The following CACNA2D3 variants were observed in gnomAD, a reference collection of about 807,000 sequenced individuals.
CACNA2D3 encodes the protein calcium voltage-gated channel auxiliary subunit alpha2delta 3.
Under a neutral mutation model 160.6 loss-of-function variants are expected in CACNA2D3, and 60 were observed. The ratio of observed to expected loss-of-function variants is 0.37; its 90% confidence interval spans 0.30 to 0.46. The LOEUF is 0.46. Among genes scored for constraint, CACNA2D3 ranks in the 20% least tolerant of loss-of-function variants. The pLI is 1.00. For missense variants in CACNA2D3, 1,205 were observed against 1,365.0 expected (o/e 0.88, Z 1.85); for synonymous variants, 558 against 492.9 (o/e 1.13, Z -1.75).
intron 6 of CACNA2D3, among the ~76,000 whole-genome samples, chr3:54,568,110 G>A (rs1183492715): frequency 2.0e-5 from 3 of 152,170 alleles, no homozygotes; most frequent in Non-Finnish European, 2.9e-5. Context: ...ATCAGTCTCT[G>A]TTCCTTTGGC....
intron 14 of CACNA2D3, among the ~76,000 whole-genome samples, chr3:54,830,450 CTT>C (rs35103723): frequency 0.011 from 1,526 of 137,268 alleles, 23 homozygotes; most frequent in African/African-American, 0.033. Flanking sequence ...CATTTAAATA[CTT>C]TTTTTTTTTT....
chr3:54,186,869 C>G (rs182347587), intron 2 of CACNA2D3, among the ~76,000 whole-genome samples: 3 of 152,196 alleles, frequency 2.0e-5, no homozygotes, highest in Non-Finnish European at 1.5e-5. Context: ...CAGCGTTGCT[C>G]CTGCCTTCCT....
chr3:54,368,746 G>A (rs1698870311), intron 3 of CACNA2D3, among the ~76,000 whole-genome samples: 1 of 115,122 alleles, frequency 8.7e-6, no homozygotes, highest in African/African-American at 3.2e-5. Context: ...CTGTCACCCA[G>A]GCTGTAGTGT....
intron 31 of CACNA2D3, 21 bp from the exon 32 acceptor site, chr3:55,004,742 C>T (rs1182073341): frequency 6.4e-6 from 10 of 1,565,126 alleles, no homozygotes; most frequent in Non-Finnish European, 8.8e-6. Flanking sequence ...AGTGAAGCTC[C>T]CTTCCATTTC....
chr3:54,204,325 G>A (rs551735583), intron 2 of CACNA2D3, among the ~76,000 whole-genome samples: 23 of 152,024 alleles, frequency 1.5e-4, no homozygotes, highest in African/African-American at 5.3e-4. Flanking sequence ...GTGTGTGTGT[G>A]TATATACCAT....
chr3:54,717,985 A>G (rs1289759966), intron 11 of CACNA2D3, among the ~76,000 whole-genome samples: 1 of 152,218 alleles, frequency 6.6e-6, no homozygotes, highest in Admixed American at 6.5e-5. Flanking sequence ...TGTATATTAG[A>G]AATGTATATG....
chr3:54,368,217 C>T (rs184391404), intron 3 of CACNA2D3, among the ~76,000 whole-genome samples: 2 of 152,264 alleles, frequency 1.3e-5, no homozygotes, highest in African/African-American at 2.4e-5. Context: ...CTCCTGTAAT[C>T]TCAGCACTTT....
chr3:55,054,649 C>T (rs1046443322), intron 35 of CACNA2D3, among the ~76,000 whole-genome samples: 2 of 151,034 alleles, frequency 1.3e-5, no homozygotes, highest in African/African-American at 4.9e-5. Context: ...ACTCTAATAC[C>T]TGGGCCAGAT....
chr3:54,498,043 GTTT>G (rs201950967), intron 4 of CACNA2D3, among the ~76,000 whole-genome samples: 2 of 141,916 alleles, frequency 1.4e-5, no homozygotes, highest in African/African-American at 5.1e-5. Context: ...TTGGCATATA[GTTT>G]TTTTTTTTTT....
rs566215387 is a variant in CACNA2D3, at chr3:54,908,223, CTT to C, written c.2449+8360_2449+8361del. Among the ~76,000 whole-genome samples, 517 of 152,288 alleles carry C rather than the reference CTT, an allele frequency of 3.4e-3. 7 individuals carry two copies. The highest frequency in any genetic ancestry group is 0.012 in the African/African-American group (488 of 41,574). ...CTACATCCTTTCTAATACTGTCTGT[CTT>C]TTTTATTTTAGCCATCCTAGTGGGT... On this transcript the variant is annotated intron_variant, in intron 27 of 37. Coordinates refer to ENST00000474759, the MANE Select transcript of CACNA2D3 (RefSeq NM_018398.3).
intron 10 of CACNA2D3, among the ~76,000 whole-genome samples, chr3:54,636,695 G>A (rs773908768): frequency 2.0e-5 from 3 of 151,982 alleles, no homozygotes; most frequent in Non-Finnish European, 4.4e-5. Flanking sequence ...GCCTAGGAAG[G>A]AAAGGAGTTG....
At chr3:55,009,559 T>C in intron 34 of CACNA2D3, 116 bp downstream of exon 34, 1 of 972,102 alleles carries the variant, frequency 1.0e-6, no homozygotes, top group Non-Finnish European at 1.6e-6. Flanking sequence ...AAAGTGATGA[T>C]TTTTCAGCTC....
chr3:54,736,074 CATATATATGTATGTGTAT>C (rs1559563677), intron 11 of CACNA2D3, among the ~76,000 whole-genome samples: 6,348 of 28,588 alleles, frequency 0.22, 369 homozygotes, highest in Non-Finnish European at 0.3. Flanking sequence ...TATATATATA[CATATATATGTATGTGTAT>C]ATATATACAT....
At chr3:54,896,610 C>G in intron 25 of CACNA2D3, 139 bp from the exon 26 acceptor site, 1 of 892,470 alleles carries the variant, frequency 1.1e-6, no homozygotes, top group South Asian at 1.5e-5. Flanking sequence ...TTAAGTGAGG[C>G]CCCCTCTATA....
chr3:54,879,134 C>T, intron 19 of CACNA2D3, 45 bp downstream of exon 19: 2 of 1,280,228 alleles, frequency 1.6e-6, no homozygotes, highest in South Asian at 1.3e-5. Context: ...TAAAACAAAC[C>T]ACTGTGAAAA....
chr3:54,894,679 A>T (rs1700144723), intron 25 of CACNA2D3: 3 of 499,282 alleles, frequency 6.0e-6, no homozygotes, highest in South Asian at 4.4e-5. Flanking sequence ...AGAGAGTAGC[A>T]ATGCATCCTG....
At chr3:54,499,145 A>G (rs544366514) in intron 4 of CACNA2D3, among the ~76,000 whole-genome samples, 147 of 152,250 alleles carry the variant, frequency 9.7e-4, no homozygotes, top group Non-Finnish European at 1.6e-3. Flanking sequence ...CCAACCCCCA[A>G]TAAAAATCCT....
chr3:54,463,087 A>C (rs1169245864), intron 4 of CACNA2D3, among the ~76,000 whole-genome samples: 3 of 151,838 alleles, frequency 2.0e-5, no homozygotes, highest in Non-Finnish European at 4.4e-5. Context: ...TTTCTTTAAG[A>C]ATGTTGAATA....
At chr3:54,736,963 T>G (rs1479683971) in intron 11 of CACNA2D3, among the ~76,000 whole-genome samples, 1 of 152,204 alleles carries the variant, frequency 6.6e-6, no homozygotes, top group African/African-American at 2.4e-5. Flanking sequence ...GGGGCTGATG[T>G]TCAACATGCT....
Sources: gnomAD v4.1 joint callset for allele counts (sites outside exome capture counted in the v4.1 genomes callset) on GRCh38, gnomAD v4.1.1 for gene constraint, MANE v1.5 for transcripts, NCBI Gene and HGNC (gene_info 2026-07-23, HGNC 2026-07-21) for gene names.